Variants in PDE7A observed in about 807,000 individuals in gnomAD.
PDE7A encodes high affinity 3',5'-cyclic-AMP phosphodiesterase 7A.
A neutral mutation model predicts 64.3 loss-of-function variants in PDE7A; 39 were observed. The ratio of observed to expected loss-of-function variants is 0.61; its 90% CI spans 0.47 to 0.79. PDE7A has a LOEUF of 0.79. PDE7A is among the 30% of genes least tolerant of loss of function. The pLI is 0.00. For missense variants in PDE7A, 470 were observed against 582.8 expected (o/e 0.81, Z 1.99); for synonymous variants, 203 against 206.8 (o/e 0.98, Z 0.16).
intron 1 of PDE7A, among the ~76,000 whole-genome samples, chr8:65,818,992 G>A (rs568432460): frequency 6.6e-6 from 1 of 152,298 alleles, no homozygotes; most frequent in East Asian, 1.9e-4. Flanking sequence ...AAGCTAGAAT[G>A]GCCACTGACT....
chr8:65,822,922 ATTATC>A (rs1404568671), intron 1 of PDE7A, among the ~76,000 whole-genome samples: 1 of 151,682 alleles, frequency 6.6e-6, no homozygotes, highest in African/African-American at 2.4e-5. Flanking sequence ...TAAAGCACTT[ATTATC>A]TTATCTATTA....
At chr8:65,780,527 G>A (rs1809385198) in intron 2 of PDE7A, among the ~76,000 whole-genome samples, 1 of 152,072 alleles carries the variant, frequency 6.6e-6, no homozygotes, top group Non-Finnish European at 1.5e-5. Flanking sequence ...CATAACCATA[G>A]CAACCATGTT....
At chr8:65,787,577 TC>T (rs1809593231) in intron 1 of PDE7A, among the ~76,000 whole-genome samples, 1 of 152,198 alleles carries the variant, frequency 6.6e-6, no homozygotes, top group Non-Finnish European at 1.5e-5. Context: ...CTTCCTTTTT[TC>T]AACAGTTTTT....
chr8:65,741,987 T>C (rs574755538), intron 5 of PDE7A, among the ~76,000 whole-genome samples: 1 of 152,274 alleles, frequency 6.6e-6, no homozygotes, highest in South Asian at 2.1e-4. Flanking sequence ...GTACTACCCA[T>C]ATGTAATTGA....
intron 1 of PDE7A, among the ~76,000 whole-genome samples, chr8:65,804,625 C>A (rs539620333): frequency 3.3e-5 from 5 of 149,870 alleles, no homozygotes; most frequent in African/African-American, 1.2e-4. Flanking sequence ...GCAACCTCTG[C>A]CTCCCGGATT....
Position 65,841,936 on chromosome 8 carries a change from C to T in PDE7A, c.-428G>A. On this transcript the variant is annotated 5_prime_UTR_variant, in exon 1 of 13. Coordinates refer to ENST00000401827, the MANE Select transcript of PDE7A (RefSeq NM_001242318.3). Reference sequence around the variant, plus strand: ...AGCCAGCGGCCAGACCCAGGGCGCGCGGGACTCAGGAGCAGCGACCAGCTC... The same window carrying T: ...AGCCAGCGGCCAGACCCAGGGCGCGTGGGACTCAGGAGCAGCGACCAGCTC... 4.3e-6 allele frequency: 1 copy of T among 232,130 alleles called. No individual in the cohort carries two copies. Among genetic ancestry groups the T allele is most frequent in the Non-Finnish European group, 8.1e-6 (1 of 122,840 alleles). 14.4% of individuals were successfully genotyped at this position (232,130 alleles called of 1,614,324 possible). A position where few individuals can be genotyped will look rare whatever the true frequency, so the allele number is the denominator to read the frequency against.
At chr8:65,794,458 A>G (rs930768744) in intron 1 of PDE7A, among the ~76,000 whole-genome samples, 6 of 152,136 alleles carry the variant, frequency 3.9e-5, no homozygotes, top group Non-Finnish European at 7.4e-5. Flanking sequence ...TATAAGTAGT[A>G]TTATAAACAG....
chr8:65,779,913 T>G, intron 2 of PDE7A, 110 bp from the exon 3 acceptor site: 1 of 558,064 alleles, frequency 1.8e-6, no homozygotes, highest in Non-Finnish European at 3.2e-6. Context: ...AACAGCCCAC[T>G]GATCATATAT....
chr8:65,765,957 A>G (rs919498237), intron 3 of PDE7A, among the ~76,000 whole-genome samples: 12 of 152,114 alleles, frequency 7.9e-5, no homozygotes, highest in African/African-American at 2.7e-4. Flanking sequence ...TTATTTATTT[A>G]TTTTTTGAGA....
intron 3 of PDE7A, chr8:65,765,580 G>A (rs1372435072): frequency 7.7e-6 from 1 of 129,696 alleles, no homozygotes; most frequent in African/African-American, 2.9e-5. Flanking sequence ...AGAGTAAAAA[G>A]AAAATGGAAA....
chr8:65,805,033 G>A (rs1810080049), intron 1 of PDE7A, among the ~76,000 whole-genome samples: 1 of 151,598 alleles, frequency 6.6e-6, no homozygotes, highest in Non-Finnish European at 1.5e-5. Flanking sequence ...TGGTAGAGAT[G>A]GACTCTCCCT....
At chr8:65,731,966 ATATTAT>A (rs137999443) in intron 7 of PDE7A, among the ~76,000 whole-genome samples, 6,115 of 151,142 alleles carry the variant, frequency 0.04, 172 homozygotes, top group Non-Finnish European at 0.062. Context: ...GTCATTCTCT[ATATTAT>A]TATTATTATT....
At position 65,779,808 on chromosome 8, in the gene PDE7A, A is replaced by G; in HGVS notation, c.200-5T>C. ...GGCTCCTTACACGTACATCTCCTGG[A>G]CAGAATCAAGAATAAAACATAAGTT... On this transcript the variant is annotated splice_region_variant and splice_polypyrimidine_tract_variant and intron_variant, in intron 2 of 12. Transcript: ENST00000401827. 6.4e-7 allele frequency: 1 copy of G among 1,561,560 alleles called. No homozygotes were observed. The highest frequency in any genetic ancestry group is 8.8e-7 in the Non-Finnish European group (1 of 1,140,698).
At chr8:65,798,206 A>ATATATATATATATTTTTTTTT in intron 1 of PDE7A, among the ~76,000 whole-genome samples, 27 of 73,794 alleles carry the variant, frequency 3.7e-4, no homozygotes, top group African/African-American at 1.5e-3. Context: ...ATATATATAT[A>ATATATATATATATTTTTTTTT]TTTTTTTTTT....
At chr8:65,783,846 T>C (rs1394578066) in intron 1 of PDE7A, among the ~76,000 whole-genome samples, 10 of 152,174 alleles carry the variant, frequency 6.6e-5, no homozygotes, top group Non-Finnish European at 1.2e-4. Context: ...ACAGAATGGA[T>C]ATAAATAAGG....
intron 3 of PDE7A, chr8:65,765,680 C>T (rs1196678434): frequency 6.6e-6 from 1 of 152,160 alleles, no homozygotes; most frequent in East Asian, 1.9e-4. Context: ...AGACCAGGCC[C>T]TCCAGTCTGG....
At chr8:65,722,131 T>C (rs1049308659) in intron 12 of PDE7A, 1 of 152,244 alleles carries the variant, frequency 6.6e-6, no homozygotes, top group African/African-American at 2.4e-5. Flanking sequence ...ATTTGAAGAT[T>C]ATTCTACTTG....
chr8:65,779,027 G>T (rs1343680345), intron 3 of PDE7A, among the ~76,000 whole-genome samples: 3 of 152,164 alleles, frequency 2.0e-5, no homozygotes, highest in African/African-American at 7.2e-5. Context: ...ATGCTATTAA[G>T]AAGAAAAGTG....
At chr8:65,784,346 C>T (rs1212409010) in intron 1 of PDE7A, among the ~76,000 whole-genome samples, 2 of 152,032 alleles carry the variant, frequency 1.3e-5, no homozygotes, top group African/African-American at 4.8e-5. Context: ...AAATACAGGA[C>T]TTAGAATCTG....
Sources: allele counts gnomAD v4.1 joint callset (sites outside exome capture counted in the v4.1 genomes callset), GRCh38; gene constraint gnomAD v4.1.1; transcripts MANE v1.5; gene names NCBI Gene and HGNC (gene_info 2026-07-23, HGNC 2026-07-21).